ADGRA3: variants seen among roughly 807,000 people sequenced by gnomAD.
ADGRA3 encodes the protein adhesion G protein-coupled receptor A3.
In ADGRA3, 56 loss-of-function variants were observed where a neutral mutation model predicts 119.8. That is an observed-to-expected ratio of 0.47 (90% CI 0.38 to 0.58). The LOEUF is 0.58. Among genes scored for constraint, ADGRA3 ranks in the 20% least tolerant of loss-of-function variants. The pLI, the probability that ADGRA3 is intolerant of heterozygous loss-of-function variation, is 0.00. For synonymous variants in ADGRA3, 607 were observed against 623.8 expected (o/e 0.97, Z 0.40); for missense variants, 1,516 against 1,649.0 (o/e 0.92, Z 1.40).
rs1261825774 is a variant in ADGRA3 at position 22,403,663 on chromosome 4, G to A, written c.2233-864C>T. 2.6e-5 allele frequency among the ~76,000 whole-genome samples: 4 copies of A among 152,050 alleles called. No individual in the cohort carries two copies. In the East Asian group the frequency reaches 5.8e-4, roughly 22 times the overall value. ...GGCTGAGGTTGGGAGGATCACTTGA[G>A]TCCAGGAGGTCAAGGCTGCAGTTAG... is the stretch of plus-strand genomic sequence containing the variant. On this transcript the variant is annotated intron_variant, in intron 14 of 18. Coordinates refer to ENST00000334304, the MANE Select transcript of ADGRA3 (RefSeq NM_145290.4).
At chr4:22,428,386 C>T (rs983703260) in intron 10 of ADGRA3, among the ~76,000 whole-genome samples, 11 of 151,802 alleles carry the variant, frequency 7.2e-5, no homozygotes, top group African/African-American at 2.7e-4. Flanking sequence ...CTTCACATAC[C>T]CAGTAAAAAT....
intron 4 of ADGRA3, among the ~76,000 whole-genome samples, chr4:22,452,914 T>C (rs548171101): frequency 1.3e-5 from 2 of 152,076 alleles, no homozygotes; most frequent in South Asian, 2.1e-4. Flanking sequence ...AAAGTAAAAA[T>C]ACAGCCAGGC....
intron 10 of ADGRA3, among the ~76,000 whole-genome samples, chr4:22,433,527 A>T (rs1347314545): frequency 6.6e-6 from 1 of 152,162 alleles, no homozygotes; most frequent in Non-Finnish European, 1.5e-5. Context: ...AGTTCAGTAC[A>T]ATGCTTCCAC....
At chr4:22,476,072 A>C (rs897741433) in intron 1 of ADGRA3, among the ~76,000 whole-genome samples, 2 of 152,208 alleles carry the variant, frequency 1.3e-5, no homozygotes, top group Non-Finnish European at 2.9e-5. Context: ...CAATCATTGG[A>C]ATGAAGAAAA....
In ADGRA3 at chr4:22,424,152, A is replaced by AC. The variant is rs748479414; in HGVS notation, c.1605+38dup. 1.9e-6 allele frequency: 3 copies of AC among 1,560,630 alleles called. No individual in the cohort carries two copies. In the Admixed American group the frequency reaches 5.3e-5, roughly 27 times the overall value. On this transcript the variant is annotated intron_variant, in intron 11 of 18. Coordinates refer to ENST00000334304, the MANE Select transcript of ADGRA3 (RefSeq NM_145290.4). ...TTCGGGTGAGAGCTGTGTGAAATGC[A>AC]CTTTTTTTCTCAGGAGTCTATGATA...
chr4:22,401,406 A>C, intron 16 of ADGRA3, 25 bp downstream of exon 16: 1 of 1,566,082 alleles, frequency 6.4e-7, no homozygotes. Flanking sequence ...AATTTTTTCC[A>C]TTTCGGTTTT....
At chr4:22,464,356 A>G (rs1239397442) in intron 2 of ADGRA3, among the ~76,000 whole-genome samples, 1 of 152,192 alleles carries the variant, frequency 6.6e-6, no homozygotes, top group African/African-American at 2.4e-5. Flanking sequence ...TGAAAAAGTC[A>G]GGAAGCTTCA....
chr4:22,433,018 G>GT (rs1716249499), intron 10 of ADGRA3, among the ~76,000 whole-genome samples: 1 of 152,250 alleles, frequency 6.6e-6, no homozygotes, highest in Non-Finnish European at 1.5e-5. Context: ...AAGCCTCCTA[G>GT]TTTTTTTCAC....
chr4:22,497,356 T>TA (rs112332021), intron 1 of ADGRA3, among the ~76,000 whole-genome samples: 4,619 of 145,556 alleles, frequency 0.032, 78 homozygotes, highest in East Asian at 0.045. Flanking sequence ...ATCTTCACTA[T>TA]AAAAAAAAAA....
At position 22,402,813 on chromosome 4, in the gene ADGRA3, GA is replaced by G; in HGVS notation, c.2233-15del. 6.2e-7 allele frequency: 1 copy of G among 1,604,924 alleles called. No homozygotes were observed. Among genetic ancestry groups the G allele is most frequent in the Non-Finnish European group, 8.5e-7 (1 of 1,177,300 alleles). ...TCCCGTCAAATCCTGAGGGCAAAAAGAAAGATCCATTCTAGCAGTACTTCTC... is the reference window on the plus strand; with the variant it reads ...TCCCGTCAAATCCTGAGGGCAAAAAGAAGATCCATTCTAGCAGTACTTCTC... On this transcript the variant is annotated splice_polypyrimidine_tract_variant and intron_variant, in intron 14 of 18. Transcript: ENST00000334304.
intron 14 of ADGRA3, among the ~76,000 whole-genome samples, chr4:22,411,391 G>A (rs188861573): frequency 1.1e-3 from 165 of 152,152 alleles, no homozygotes; most frequent in African/African-American, 3.8e-3. Context: ...TTGAGTCCAG[G>A]AGATCAAGAC....
At chr4:22,440,845 C>A (rs891766491) in intron 7 of ADGRA3, among the ~76,000 whole-genome samples, 2 of 152,166 alleles carry the variant, frequency 1.3e-5, no homozygotes, top group Non-Finnish European at 2.9e-5. Context: ...GAAATTATCG[C>A]TACAGTAAAA....
chr4:22,415,177 T>C (rs926123356), intron 12 of ADGRA3, among the ~76,000 whole-genome samples: 7 of 152,140 alleles, frequency 4.6e-5, no homozygotes, highest in Admixed American at 3.3e-4. Context: ...TCTATGTTAA[T>C]AGTTCCTACC....
At chr4:22,483,739 T>C (rs1318292907) in intron 1 of ADGRA3, among the ~76,000 whole-genome samples, 1 of 152,202 alleles carries the variant, frequency 6.6e-6, no homozygotes, top group Non-Finnish European at 1.5e-5. Flanking sequence ...TTAATGTTTA[T>C]ACATTAAGGT....
intron 2 of ADGRA3, among the ~76,000 whole-genome samples, chr4:22,465,256 A>C (rs1717612918): frequency 6.6e-6 from 1 of 152,170 alleles, no homozygotes; most frequent in Non-Finnish European, 1.5e-5. Context: ...ACTTCTCCAT[A>C]TGGTACAGGT....
chr4:22,448,560 T>C (rs1313323767), intron 4 of ADGRA3, among the ~76,000 whole-genome samples: 1 of 152,116 alleles, frequency 6.6e-6, no homozygotes, highest in Admixed American at 6.5e-5. Context: ...TCTTCACATG[T>C]GAGAGAGAGT....
intron 1 of ADGRA3, among the ~76,000 whole-genome samples, chr4:22,488,657 A>G (rs1427738990): frequency 2.0e-5 from 3 of 152,234 alleles, no homozygotes; most frequent in Non-Finnish European, 4.4e-5. Flanking sequence ...TTTTAAGGAC[A>G]TGGGGCTATC....
intron 5 of ADGRA3, among the ~76,000 whole-genome samples, chr4:22,446,361 G>A (rs183725634): frequency 1.3e-5 from 2 of 152,272 alleles, no homozygotes; most frequent in East Asian, 3.9e-4. Flanking sequence ...GCTACCCAGG[G>A]TCTCAAAAGC....
chr4:22,497,750 T>C (rs1174536498), intron 1 of ADGRA3, among the ~76,000 whole-genome samples: 9 of 118,714 alleles, frequency 7.6e-5, no homozygotes, highest in African/African-American at 2.3e-4. Flanking sequence ...GATCGCATCA[T>C]TGCTGTCTCA....
Sources: gnomAD v4.1 joint callset for allele counts (sites outside exome capture counted in the v4.1 genomes callset) on GRCh38, gnomAD v4.1.1 for gene constraint, MANE v1.5 for transcripts, NCBI Gene and HGNC (gene_info 2026-07-23, HGNC 2026-07-21) for gene names.